ARL15: variants seen among roughly 807,000 people sequenced by gnomAD.
The protein encoded by ARL15 is ARF like GTPase 15, also known as ADP-ribosylation factor-like protein 15.
A neutral mutation model predicts 25.2 loss-of-function variants in ARL15; 19 were observed. That is an observed-to-expected ratio of 0.75 (90% CI 0.53 to 1.10). ARL15 has a LOEUF of 1.10. Among genes scored for constraint, ARL15 ranks in the 50% least tolerant of loss-of-function variants. The pLI is 0.00. For synonymous variants in ARL15, 94 were observed against 86.8 expected (o/e 1.08, Z -0.46); for missense variants, 220 against 246.0 (o/e 0.89, Z 0.71).
intron 4 of ARL15, among the ~76,000 whole-genome samples, chr5:53,914,281 C>T (rs1001490380): frequency 2.0e-5 from 3 of 152,128 alleles, no homozygotes; most frequent in East Asian, 1.9e-4. Flanking sequence ...CAATCTAAAT[C>T]GTGTAGAAAG....
chr5:53,922,239 G>A (rs528656789), intron 4 of ARL15, among the ~76,000 whole-genome samples: 4 of 152,184 alleles, frequency 2.6e-5, no homozygotes, highest in African/African-American at 4.8e-5. Flanking sequence ...ATTCAGTTCC[G>A]TTTAGTTCAA....
In ARL15 at chr5:53,884,952, T is replaced by A. The variant is rs924429934; in HGVS notation, c.*1609A>T. ...AAAATTGTATACGAATCACTATGTA[T>A]CCTTCCTGATTCATGACATTAAAAA... On this transcript the variant is annotated 3_prime_UTR_variant, in exon 5 of 5. Coordinates refer to ENST00000504924, the MANE Select transcript of ARL15 (RefSeq NM_019087.3). 1 of 152,414 alleles carries A rather than the reference T, an allele frequency of 6.6e-6. No homozygotes were observed. The highest frequency in any genetic ancestry group is 1.5e-5 in the Non-Finnish European group (1 of 68,012). 9.4% of individuals were successfully genotyped at this position (152,414 alleles called of 1,614,324 possible).
chr5:54,300,431 A>G (rs1758587215), intron 1 of ARL15, among the ~76,000 whole-genome samples: 1 of 152,202 alleles, frequency 6.6e-6, no homozygotes. Flanking sequence ...AGGCATGTGT[A>G]TGAAGCCTTG....
chr5:54,206,129 C>T (rs1755861700), intron 1 of ARL15, among the ~76,000 whole-genome samples: 1 of 152,132 alleles, frequency 6.6e-6, no homozygotes, highest in Non-Finnish European at 1.5e-5. Flanking sequence ...GGCCCAAAGT[C>T]TATGTCTGTT....
At chr5:54,103,685 G>A (rs1752508621) in intron 4 of ARL15, among the ~76,000 whole-genome samples, 1 of 152,034 alleles carries the variant, frequency 6.6e-6, no homozygotes, top group South Asian at 2.1e-4. Flanking sequence ...CCAGTTCATT[G>A]TTTTCATCAA....
In ARL15 at chr5:54,266,136, A is replaced by G. The variant is rs79230450; in HGVS notation, c.48+44296T>C. ...TTCATTAACTGCCAGTTGCAGCAACATCTTTTGAGCCTAAGCACCTTCACT... is the reference window on the plus strand; with the variant it reads ...TTCATTAACTGCCAGTTGCAGCAACGTCTTTTGAGCCTAAGCACCTTCACT... On this transcript the variant is annotated intron_variant, in intron 1 of 4. Transcript: ENST00000504924. Among the ~76,000 whole-genome samples the G allele has an allele frequency of 6.3e-3, 957 of 152,338 alleles. 7 individuals are homozygous for G. Among genetic ancestry groups the G allele is most frequent in the African/African-American group, 0.022 (916 of 41,562 alleles).
chr5:53,995,651 A>G (rs1345034310), intron 4 of ARL15, among the ~76,000 whole-genome samples: 1 of 152,228 alleles, frequency 6.6e-6, no homozygotes, highest in Non-Finnish European at 1.5e-5. Flanking sequence ...GCAAAGGAAG[A>G]GTACATTTTC....
At chr5:53,937,204 C>T (rs1746376316) in intron 4 of ARL15, among the ~76,000 whole-genome samples, 1 of 152,062 alleles carries the variant, frequency 6.6e-6, no homozygotes, top group South Asian at 2.1e-4. Flanking sequence ...CCATTCCTAA[C>T]CACAGATATC....
chr5:54,223,857 G>A (rs576693179), intron 1 of ARL15, among the ~76,000 whole-genome samples: 2 of 152,236 alleles, frequency 1.3e-5, no homozygotes, highest in South Asian at 4.1e-4. Flanking sequence ...GAGCGCCGGG[G>A]TTGGGAAGAG....
intron 4 of ARL15, among the ~76,000 whole-genome samples, chr5:53,891,243 A>G (rs1269804410): frequency 6.6e-6 from 1 of 152,198 alleles, no homozygotes; most frequent in Admixed American, 6.5e-5. Context: ...GCAGGGGAAC[A>G]GAACAGTCCA....
intron 2 of ARL15, among the ~76,000 whole-genome samples, chr5:54,158,765 T>C (rs1265936166): frequency 7.9e-5 from 12 of 152,140 alleles, no homozygotes; most frequent in Admixed American, 2.6e-4. Context: ...CCCAGCTACT[T>C]GGGAGGCTGA....
intron 4 of ARL15, among the ~76,000 whole-genome samples, chr5:54,107,206 G>T (rs1159882037): frequency 6.6e-6 from 1 of 152,092 alleles, no homozygotes; most frequent in African/African-American, 2.4e-5. Flanking sequence ...GCACAGGAAA[G>T]ACTGGCCCCC....
At chr5:54,174,083 T>TGTA (rs1754795404) in intron 1 of ARL15, among the ~76,000 whole-genome samples, 1 of 152,192 alleles carries the variant, frequency 6.6e-6, no homozygotes, top group Non-Finnish European at 1.5e-5. Flanking sequence ...TGCAGTTTCT[T>TGTA]ATTCATCACC....
chr5:54,238,972 T>C (rs1374632325), intron 1 of ARL15, among the ~76,000 whole-genome samples: 2 of 152,196 alleles, frequency 1.3e-5, no homozygotes, highest in Non-Finnish European at 2.9e-5. Flanking sequence ...TTTATAGTCA[T>C]TGATGGGGAA....
At position 54,244,040 on chromosome 5, in the gene ARL15, T is replaced by C. The variant is rs949336366; in HGVS notation, c.48+66392A>G. Reference sequence around the variant, plus strand: ...TAATTCTTAGATTTTAGACAAGTCATCTTCCCTCTCTGGGCCTGTTTCCAT... The same window carrying C: ...TAATTCTTAGATTTTAGACAAGTCACCTTCCCTCTCTGGGCCTGTTTCCAT... On this transcript the variant is annotated intron_variant, in intron 1 of 4. Coordinates refer to ENST00000504924, the MANE Select transcript of ARL15 (RefSeq NM_019087.3). Among the ~76,000 whole-genome samples, 3 of 152,204 alleles carry C rather than the reference T, an allele frequency of 2.0e-5. No individual in the cohort carries two copies. The South Asian group carries it at 6.2e-4, about 32-fold the overall frequency.
At chr5:54,033,900 G>A (rs1056940111) in intron 4 of ARL15, among the ~76,000 whole-genome samples, 4 of 152,032 alleles carry the variant, frequency 2.6e-5, no homozygotes, top group African/African-American at 9.7e-5. Flanking sequence ...TGCATGCTCC[G>A]CCTCCCGGGT....
At chr5:54,132,177 A>G (rs1341637515) in intron 3 of ARL15, among the ~76,000 whole-genome samples, 2 of 152,140 alleles carry the variant, frequency 1.3e-5, no homozygotes, top group African/African-American at 2.4e-5. Context: ...AAATATCCCA[A>G]TATGTATATG....
chr5:54,045,805 T>G (rs1750490310), intron 4 of ARL15, among the ~76,000 whole-genome samples: 1 of 152,168 alleles, frequency 6.6e-6, no homozygotes, highest in Non-Finnish European at 1.5e-5. Context: ...TCACCATTTC[T>G]CTGTACAATT....
At chr5:54,292,230 C>T (rs1758352845) in intron 1 of ARL15, among the ~76,000 whole-genome samples, 1 of 152,190 alleles carries the variant, frequency 6.6e-6, no homozygotes, top group South Asian at 2.1e-4. Flanking sequence ...CCTCCCCTCC[C>T]TCCCTTGCTG....
Sources: gnomAD v4.1 joint callset for allele counts (sites outside exome capture counted in the v4.1 genomes callset) on GRCh38, gnomAD v4.1.1 for gene constraint, MANE v1.5 for transcripts, NCBI Gene and HGNC (gene_info 2026-07-23, HGNC 2026-07-21) for gene names.